HABP4: variants seen among roughly 807,000 people sequenced by gnomAD.
HABP4 encodes intracellular hyaluronan-binding protein 4.
HABP4 carries 32 observed loss-of-function variants against 44.1 expected under a neutral mutation model. That is an observed-to-expected ratio of 0.73 (90% CI 0.55 to 0.97). The LOEUF is 0.97. Among genes scored for constraint, HABP4 ranks in the 50% least tolerant of loss-of-function variants. HABP4 has a pLI of 0.00. For missense variants in HABP4, 503 were observed against 561.9 expected, an observed-to-expected ratio of 0.90 and a Z score of 1.06; for synonymous variants, 216 against 218.0, an observed-to-expected ratio of 0.99 and a Z score of 0.08.
At chr9:96,456,783 ATATATAT>A (rs1564158864) in intron 1 of HABP4, among the ~76,000 whole-genome samples, 595 of 41,786 alleles carry the variant, frequency 0.014, 8 homozygotes, top group Non-Finnish European at 0.018. Flanking sequence ...AAAAAAAAAT[ATATATAT>A]ATATATATAT....
chr9:96,479,415 T>A (rs1187385638), intron 5 of HABP4, among the ~76,000 whole-genome samples: 4 of 152,236 alleles, frequency 2.6e-5, no homozygotes, highest in African/African-American at 9.6e-5. Flanking sequence ...TTGATTCATT[T>A]TACTTTCAAA....
chr9:96,456,772 AAAAAAAAAATATATATATATATATATAT>A (rs1431758636), intron 1 of HABP4, among the ~76,000 whole-genome samples: 9 of 72,102 alleles, frequency 1.2e-4, no homozygotes, highest in African/African-American at 5.6e-4. Context: ...AAAAAAAAAA[AAAAAAAAAATATATATATATATATATAT>A]ATATATATAT....
intron 5 of HABP4, among the ~76,000 whole-genome samples, chr9:96,472,188 G>T (rs558481753): frequency 6.6e-6 from 1 of 152,148 alleles, no homozygotes; most frequent in African/African-American, 2.4e-5. Flanking sequence ...TCCACTATCT[G>T]CCTTCTCTCT....
intron 5 of HABP4, among the ~76,000 whole-genome samples, chr9:96,480,020 C>T (rs1370264800): frequency 6.6e-6 from 1 of 151,804 alleles, no homozygotes. Flanking sequence ...ACAAAAAATA[C>T]AAAAATTAGC....
intron 2 of HABP4, among the ~76,000 whole-genome samples, chr9:96,464,454 G>C (rs1327406478): frequency 6.6e-6 from 1 of 152,210 alleles, no homozygotes; most frequent in Admixed American, 6.5e-5. Context: ...ATGGGTATCC[G>C]TATAGAGCAC....
Position 96,488,268 on chromosome 9 carries a change from A to T in HABP4, c.1179A>T (p.Glu393Asp). ...RRAENYGPRA[E>D]VVMQDVAPNP... ...CAGAGAACTATGGACCCAGAGCAGA[A>T]GTGGTGGTAGGTGTCTGTATTGACG... Residue 393 changes from glutamate to aspartate, a missense_variant, in exon 7 of 8, where the codon GAA (glutamate) becomes GAT (aspartate). Transcript: ENST00000375249. This position sits in a 1 kb window ranked among gnomAD's most constrained non-coding sequence, Gnocchi z 4.6. 6.2e-7 allele frequency: 1 copy of T among 1,610,258 alleles called. No individual in the cohort carries two copies. Among genetic ancestry groups the T allele is most frequent in the Middle Eastern group, 1.7e-4 (1 of 6,016 alleles).
At chr9:96,483,953 C>T (rs1252782373) in intron 5 of HABP4, 2 of 152,228 alleles carry the variant, frequency 1.3e-5, no homozygotes, top group African/African-American at 2.4e-5. Flanking sequence ...AAAAAAAAAT[C>T]AGTTGACCGT....
At chr9:96,486,785 G>A (rs1225527358) in intron 6 of HABP4, among the ~76,000 whole-genome samples, 2 of 152,058 alleles carry the variant, frequency 1.3e-5, no homozygotes, top group Non-Finnish European at 2.9e-5. Flanking sequence ...ACAACCTCGC[G>A]TAAGGCACTG....
intron 5 of HABP4, among the ~76,000 whole-genome samples, chr9:96,479,025 A>G (rs1832832402): frequency 6.6e-6 from 1 of 152,190 alleles, no homozygotes. Context: ...TGCTTTGATA[A>G]AGAACCACTG....
At chr9:96,478,173 C>T (rs1049755453) in intron 5 of HABP4, among the ~76,000 whole-genome samples, 1 of 152,072 alleles carries the variant, frequency 6.6e-6, no homozygotes, top group Non-Finnish European at 1.5e-5. Context: ...CACTCTGTCA[C>T]CCAGGCTGGC....
chr9:96,481,937 A>G (rs1216483724), intron 5 of HABP4, among the ~76,000 whole-genome samples: 1 of 141,046 alleles, frequency 7.1e-6, no homozygotes, highest in Non-Finnish European at 1.5e-5. Context: ...CATCTCTAGA[A>G]CTTTTTTTTT....
intron 1 of HABP4, among the ~76,000 whole-genome samples, chr9:96,452,106 A>G (rs1832293185): frequency 6.6e-6 from 1 of 151,778 alleles, no homozygotes; most frequent in Admixed American, 6.6e-5. Context: ...GGGCACCTGT[A>G]GGTCCAGCTA....
intron 1 of HABP4, among the ~76,000 whole-genome samples, chr9:96,453,497 C>T (rs1426795326): frequency 6.6e-6 from 1 of 151,464 alleles, no homozygotes; most frequent in Non-Finnish European, 1.5e-5. Flanking sequence ...AGGCGTGAGC[C>T]ATGATGCCTG....
At chr9:96,472,587 G>C (rs1832716482) in intron 5 of HABP4, among the ~76,000 whole-genome samples, 1 of 152,148 alleles carries the variant, frequency 6.6e-6, no homozygotes, top group African/African-American at 2.4e-5. Flanking sequence ...TCACGCTTCA[G>C]ATCTTTCCTA....
At position 96,484,783 on chromosome 9, in the gene HABP4, T is replaced by C. The variant is rs1049794623; in HGVS notation, c.999+150T>C. 10 of 621,802 alleles carry C rather than the reference T, an allele frequency of 1.6e-5. No individual in the cohort carries two copies. In the Admixed American group the frequency reaches 3.0e-4, roughly 19 times the overall value. 38.5% of individuals were successfully genotyped at this position (621,802 alleles called of 1,614,324 possible). A position where few individuals can be genotyped will look rare whatever the true frequency, so the allele number is the denominator to read the frequency against. ...AGATGATGCATGCCTAATTTTACTG[T>C]ATTGTTCATTAAGAAAAGGAATTGA... On this transcript the variant is annotated intron_variant, in intron 6 of 7. Coordinates refer to ENST00000375249, the MANE Select transcript of HABP4 (RefSeq NM_014282.4).
chr9:96,451,161 C>A (rs539215793), intron 1 of HABP4, among the ~76,000 whole-genome samples: 1 of 152,228 alleles, frequency 6.6e-6, no homozygotes, highest in Non-Finnish European at 1.5e-5. Context: ...TCCGGCCTGG[C>A]GCCTTCGCCC....
intron 1 of HABP4, chr9:96,451,394 A>G (rs1416552492): frequency 1.1e-5 from 8 of 742,488 alleles, no homozygotes; most frequent in Non-Finnish European, 1.2e-5. Context: ...GGTGCTTCAG[A>G]GTTCATTCTC....
At chr9:96,453,335 A>G (rs915543629) in intron 1 of HABP4, among the ~76,000 whole-genome samples, 2 of 151,906 alleles carry the variant, frequency 1.3e-5, no homozygotes, top group Non-Finnish European at 2.9e-5. Context: ...TGGCCTCCCA[A>G]AGTGCTGGGA....
At chr9:96,475,764 A>G (rs1301752830) in intron 5 of HABP4, among the ~76,000 whole-genome samples, 2 of 152,238 alleles carry the variant, frequency 1.3e-5, no homozygotes, top group Non-Finnish European at 2.9e-5. Flanking sequence ...ATGGAGCATC[A>G]ACTCCCATCC....
Sources: allele counts gnomAD v4.1 joint callset (sites outside exome capture counted in the v4.1 genomes callset), GRCh38; gene constraint gnomAD v4.1.1; non-coding constraint Gnocchi (gnomAD v3.1); transcripts MANE v1.5; gene names NCBI Gene and HGNC (gene_info 2026-07-23, HGNC 2026-07-21).